PRKN: variants seen among roughly 807,000 people sequenced by gnomAD.
PRKN encodes E3 ubiquitin-protein ligase parkin.
In PRKN, 56 loss-of-function variants were observed where a neutral mutation model predicts 59.5. The observed-to-expected ratio is 0.94, with a 90% CI of 0.76 to 1.18. The LOEUF (loss-of-function observed/expected upper bound fraction) is 1.18. PRKN is among the 50% of genes most tolerant of loss of function. The pLI is 0.00. For missense variants in PRKN, 657 were observed against 596.4 expected (o/e 1.10, Z -1.06); for synonymous variants, 250 against 222.1 (o/e 1.13, Z -1.12).
At chr6:161,877,191 AG>A in intron 6 of PRKN, among the ~76,000 whole-genome samples, 1 of 152,192 alleles carries the variant, frequency 6.6e-6, no homozygotes, top group Admixed American at 6.5e-5. Flanking sequence ...GTAGTCATAG[AG>A]GAGGAAACTG....
chr6:162,650,524 G>T (rs1250919276), intron 1 of PRKN, among the ~76,000 whole-genome samples: 41 of 149,272 alleles, frequency 2.7e-4, no homozygotes, highest in African/African-American at 9.9e-4. Context: ...CGTGACCCCG[G>T]GAGGCGGAGC....
intron 4 of PRKN, among the ~76,000 whole-genome samples, chr6:162,110,410 G>C (rs1014215250): frequency 3.3e-5 from 5 of 152,158 alleles, no homozygotes; most frequent in African/African-American, 4.8e-5. Context: ...AAAAAGCAAG[G>C]ACTCAAAGAC....
intron 1 of PRKN, among the ~76,000 whole-genome samples, chr6:162,579,585 G>C (rs1780701513): frequency 1.3e-5 from 2 of 151,156 alleles, no homozygotes; most frequent in Non-Finnish European, 1.5e-5. Context: ...ACATACACAA[G>C]TTCACACGTG....
chr6:162,463,616 G>A (rs1266547659), intron 1 of PRKN, among the ~76,000 whole-genome samples: 4 of 152,126 alleles, frequency 2.6e-5, no homozygotes, highest in African/African-American at 9.7e-5. Context: ...TGGAAACTGG[G>A]GCCTGGAGAT....
intron 4 of PRKN, among the ~76,000 whole-genome samples, chr6:162,162,567 G>A (rs1032717773): frequency 6.6e-6 from 1 of 152,026 alleles, no homozygotes; most frequent in African/African-American, 2.4e-5. Flanking sequence ...AGAGAAAACT[G>A]TATGGAAAAA....
intron 1 of PRKN, among the ~76,000 whole-genome samples, chr6:162,725,277 T>C (rs537799095): frequency 4.2e-4 from 64 of 152,328 alleles, no homozygotes; most frequent in African/African-American, 1.5e-3. Context: ...AAATCCCAGA[T>C]ACATACTATT....
rs987595181 is a variant in PRKN, at chr6:162,165,718, T to C, written c.534+35413A>G. On this transcript the variant is annotated intron_variant, in intron 4 of 11. Coordinates refer to ENST00000366898, the MANE Select transcript of PRKN (RefSeq NM_004562.3). Reference sequence around the variant, plus strand: ...TGTTATAAATGTTAATGCACAACTATCTGTCAGCCCAGCAATTCCACTGCA... The same window carrying C: ...TGTTATAAATGTTAATGCACAACTACCTGTCAGCCCAGCAATTCCACTGCA... 2.0e-5 allele frequency among the ~76,000 whole-genome samples: 3 copies of C among 148,834 alleles called. 1 individual carries two copies. The highest frequency in any genetic ancestry group is 4.5e-5 in the Non-Finnish European group (3 of 67,344).
chr6:162,443,799 T>G (rs776927739), intron 1 of PRKN, among the ~76,000 whole-genome samples: 2 of 152,138 alleles, frequency 1.3e-5, no homozygotes, highest in African/African-American at 4.8e-5. Context: ...CATGAGTTTA[T>G]TGAAAAGACT....
chr6:161,784,527 TAATC>T (rs2128206351), intron 7 of PRKN, among the ~76,000 whole-genome samples: 1 of 152,328 alleles, frequency 6.6e-6, no homozygotes, highest in Non-Finnish European at 1.5e-5. Context: ...TGAATTAAGA[TAATC>T]AACATCACAG....
chr6:162,257,462 C>T (rs1365928709), intron 3 of PRKN, among the ~76,000 whole-genome samples: 1 of 152,066 alleles, frequency 6.6e-6, no homozygotes, highest in Non-Finnish European at 1.5e-5. Context: ...AGAGGAAATG[C>T]AAAATTTCCT....
intron 6 of PRKN, among the ~76,000 whole-genome samples, chr6:161,864,744 C>A (rs974147019): frequency 1.3e-5 from 2 of 152,118 alleles, no homozygotes; most frequent in South Asian, 4.1e-4. Flanking sequence ...GCAACCTCCA[C>A]GTCCCAAGTT....
rs750683829 is a variant in PRKN, at chr6:161,354,037, C to T, written c.1286-3826G>A. Among the ~76,000 whole-genome samples the T allele has an allele frequency of 6.6e-6, 1 of 152,182 alleles. No homozygotes were observed. Among genetic ancestry groups the T allele is most frequent in the Non-Finnish European group, 1.5e-5 (1 of 68,042 alleles). Reference sequence around the variant, plus strand: ...CCGAATGCCAAAAATTAATACCAAGCATTTAATGAATCTGGGATACTAGCA... The same window carrying T: ...CCGAATGCCAAAAATTAATACCAAGTATTTAATGAATCTGGGATACTAGCA... On this transcript the variant is annotated intron_variant, in intron 11 of 11. Transcript: ENST00000366898. The surrounding 1 kb of genome is among the most constrained non-coding windows in gnomAD (Gnocchi z 6.7).
At chr6:161,844,877 T>C (rs1793138043) in intron 6 of PRKN, among the ~76,000 whole-genome samples, 1 of 152,252 alleles carries the variant, frequency 6.6e-6, no homozygotes, top group African/African-American at 2.4e-5. Context: ...TTCTGTGGAA[T>C]ATCTCATAAG....
chr6:162,099,205 G>C (rs748400438), intron 4 of PRKN, among the ~76,000 whole-genome samples: 16 of 152,120 alleles, frequency 1.1e-4, no homozygotes, highest in Non-Finnish European at 1.5e-4. Flanking sequence ...GCCACGGGCC[G>C]TCAGGTACAA....
intron 5 of PRKN, among the ~76,000 whole-genome samples, chr6:162,021,120 ATATATATATATATATATATATATAT>A (rs1783139182): frequency 6.5e-4 from 1 of 1,542 alleles, no homozygotes; most frequent in African/African-American, 4.0e-3. Flanking sequence ...AAACAAAAAC[ATATATATATATATATATATATATAT>A]ATATATATAT....
intron 2 of PRKN, among the ~76,000 whole-genome samples, chr6:162,378,213 A>C (rs1219171104): frequency 6.6e-6 from 1 of 152,252 alleles, no homozygotes; most frequent in African/African-American, 2.4e-5. Context: ...TTTAAAGGGA[A>C]ACAAGGCAAG....
chr6:161,791,943 T>G (rs1790654906), intron 6 of PRKN, among the ~76,000 whole-genome samples: 1 of 152,192 alleles, frequency 6.6e-6, no homozygotes, highest in Non-Finnish European at 1.5e-5. Flanking sequence ...GCAGCCTCTG[T>G]CTGTGCTCTT....
intron 7 of PRKN, among the ~76,000 whole-genome samples, chr6:161,731,044 A>G (rs899441606): frequency 4.0e-5 from 6 of 150,514 alleles, no homozygotes; most frequent in Non-Finnish European, 8.8e-5. Context: ...TTGCAGTCTG[A>G]TATGTTGCAT....
intron 4 of PRKN, among the ~76,000 whole-genome samples, chr6:162,066,683 T>G (rs1474411855): frequency 6.6e-6 from 1 of 152,184 alleles, no homozygotes; most frequent in Non-Finnish European, 1.5e-5. Flanking sequence ...GACCAGGCCT[T>G]GACCTGCTGG....
Sources: gnomAD v4.1 joint callset for allele counts (sites outside exome capture counted in the v4.1 genomes callset) on GRCh38, gnomAD v4.1.1 for gene constraint, Gnocchi (gnomAD v3.1) non-coding constraint, MANE v1.5 for transcripts, NCBI Gene and HGNC (gene_info 2026-07-23, HGNC 2026-07-21) for gene names.